GABRB1: variants seen among roughly 807,000 people sequenced by gnomAD.
GABRB1 encodes the protein gamma-aminobutyric acid type A receptor subunit beta1.
In GABRB1, 17 loss-of-function variants were observed where a neutral mutation model predicts 51.6. That is an observed-to-expected ratio of 0.33 (90% CI 0.23 to 0.49). The LOEUF is 0.49. GABRB1 is among the 20% of genes least tolerant of loss of function. The pLI is 0.99. For missense variants in GABRB1, 410 were observed against 600.6 expected, an observed-to-expected ratio of 0.68 and a Z score of 3.32; for synonymous variants, 247 against 218.9, an observed-to-expected ratio of 1.13 and a Z score of -1.14.
chr4:47,311,891 T>C (rs531271226), intron 4 of GABRB1, among the ~76,000 whole-genome samples: 3 of 152,284 alleles, frequency 2.0e-5, no homozygotes, highest in African/African-American at 7.2e-5. Flanking sequence ...CTCCCCGAGA[T>C]TGCTGAGGCT....
chr4:47,193,127 TG>T (rs1173584970), intron 4 of GABRB1, among the ~76,000 whole-genome samples: 3 of 110,604 alleles, frequency 2.7e-5, no homozygotes, highest in East Asian at 4.1e-4. Context: ...ATGTGTTTTT[TG>T]TTGTTGTTGT....
intron 4 of GABRB1, among the ~76,000 whole-genome samples, chr4:47,212,452 G>A (rs1453584963): frequency 6.6e-6 from 1 of 152,136 alleles, no homozygotes; most frequent in Non-Finnish European, 1.5e-5. Flanking sequence ...TGAGGCCTTT[G>A]GATCACCTGC....
intron 4 of GABRB1, among the ~76,000 whole-genome samples, chr4:47,163,660 A>G (rs772127702): frequency 6.6e-6 from 1 of 151,978 alleles, no homozygotes; most frequent in Non-Finnish European, 1.5e-5. Context: ...GTCATGTTAC[A>G]AACCTGCACA....
intron 3 of GABRB1, among the ~76,000 whole-genome samples, chr4:47,150,584 A>T (rs1717396355): frequency 6.6e-6 from 1 of 151,234 alleles, no homozygotes; most frequent in African/African-American, 2.4e-5. Flanking sequence ...GTCATTAAGA[A>T]AGGAAAGATT....
chr4:47,325,596 T>G (rs1332124984), intron 5 of GABRB1, among the ~76,000 whole-genome samples: 1 of 152,210 alleles, frequency 6.6e-6, no homozygotes, highest in Non-Finnish European at 1.5e-5. Context: ...TATACATTAC[T>G]CCAGCACAAT....
intron 4 of GABRB1, among the ~76,000 whole-genome samples, chr4:47,183,345 C>CACATATATAT (rs141835171): frequency 8.0e-6 from 1 of 124,434 alleles, no homozygotes; most frequent in African/African-American, 3.0e-5. Flanking sequence ...TGTGTGTGTG[C>CACATATATAT]ATATATATAT....
chr4:47,422,173 T>C (rs1333688049), intron 8 of GABRB1, among the ~76,000 whole-genome samples: 5 of 152,266 alleles, frequency 3.3e-5, no homozygotes, highest in African/African-American at 1.2e-4. Flanking sequence ...CTACCTCCCA[T>C]ATCTCCATGT....
In GABRB1 at chr4:47,034,561, A is replaced by G. The variant is rs376916578; in HGVS notation, c.240+2077A>G. Among the ~76,000 whole-genome samples the G allele has an allele frequency of 1.7e-4, 26 of 152,330 alleles. No individual in the cohort carries two copies. In the East Asian group the frequency reaches 4.4e-3, roughly 26 times the overall value. On this transcript the variant is annotated intron_variant, in intron 3 of 8. Transcript: ENST00000295454. ...ACCTTTCCACAACAATGTTACAGAC[A>G]TGATTAGAAAATAGAAACCACTCAA...
chr4:47,334,700 G>C (rs375514470), intron 5 of GABRB1, among the ~76,000 whole-genome samples: 8 of 152,132 alleles, frequency 5.3e-5, no homozygotes, highest in South Asian at 2.1e-4. Flanking sequence ...TTACACCTCC[G>C]CTATCTAGAG....
intron 4 of GABRB1, among the ~76,000 whole-genome samples, chr4:47,164,004 C>T (rs1718067822): frequency 6.6e-6 from 1 of 151,930 alleles, no homozygotes; most frequent in African/African-American, 2.4e-5. Flanking sequence ...AGGAAGCAGG[C>T]ATGTCTTACA....
At chr4:47,118,776 C>CA (rs1191676836) in intron 3 of GABRB1, among the ~76,000 whole-genome samples, 1 of 152,090 alleles carries the variant, frequency 6.6e-6, no homozygotes, top group African/African-American at 2.4e-5. Flanking sequence ...AAATAAACAT[C>CA]AGAGTCTGTG....
chr4:47,121,749 TA>T (rs1715786081), intron 3 of GABRB1, among the ~76,000 whole-genome samples: 2 of 152,202 alleles, frequency 1.3e-5, no homozygotes, highest in Admixed American at 6.5e-5. Flanking sequence ...GAGTCATAGT[TA>T]AATTATTTTA....
intron 4 of GABRB1, among the ~76,000 whole-genome samples, chr4:47,235,345 T>C (rs1241465147): frequency 6.6e-6 from 1 of 152,104 alleles, no homozygotes; most frequent in East Asian, 1.9e-4. Flanking sequence ...AGGTCAGAAG[T>C]TGAAGACCAT....
intron 5 of GABRB1, among the ~76,000 whole-genome samples, chr4:47,397,919 C>CT (rs1461816583): frequency 6.6e-6 from 1 of 152,056 alleles, no homozygotes; most frequent in Non-Finnish European, 1.5e-5. Context: ...TTTATTTTAA[C>CT]TTTCAATTCA....
At chr4:47,148,915 T>C (rs1187325741) in intron 3 of GABRB1, among the ~76,000 whole-genome samples, 2 of 152,000 alleles carry the variant, frequency 1.3e-5, no homozygotes, top group African/African-American at 4.8e-5. Flanking sequence ...GGGCAACAGA[T>C]AAAAGCTATG....
chr4:47,417,258 A>G (rs945500704), intron 8 of GABRB1, among the ~76,000 whole-genome samples: 5 of 152,088 alleles, frequency 3.3e-5, no homozygotes, highest in Non-Finnish European at 5.9e-5. Context: ...TGGAAGCCAC[A>G]GCCTTATTTT....
chr4:47,320,613 G>A (rs1439952610), intron 5 of GABRB1, among the ~76,000 whole-genome samples: 2 of 152,114 alleles, frequency 1.3e-5, no homozygotes, highest in African/African-American at 4.8e-5. Context: ...TGTCTTGTGT[G>A]AATAATGTGT....
chr4:47,307,798 G>A (rs1316475772), intron 4 of GABRB1, among the ~76,000 whole-genome samples: 1 of 151,648 alleles, frequency 6.6e-6, no homozygotes, highest in African/African-American at 2.4e-5. Context: ...TCTAGAGAAC[G>A]AATAGTTTCA....
chr4:47,018,555 A>G, intron 1 of GABRB1, among the ~76,000 whole-genome samples: 1 of 152,060 alleles, frequency 6.6e-6, no homozygotes, highest in East Asian at 1.9e-4. Flanking sequence ...TCCATGTGTA[A>G]TTTTTGGCTA....
Sources: allele counts gnomAD v4.1 joint callset (sites outside exome capture counted in the v4.1 genomes callset), GRCh38; gene constraint gnomAD v4.1.1; transcripts MANE v1.5; gene names NCBI Gene and HGNC (gene_info 2026-07-23, HGNC 2026-07-21).